The following GSK3B variants were observed in gnomAD, a reference collection of about 807,000 sequenced individuals.
GSK3B encodes glycogen synthase kinase-3 beta.
Under a neutral mutation model 56.4 loss-of-function variants are expected in GSK3B, and 15 were observed. The ratio of observed to expected loss-of-function variants is 0.27; its 90% CI spans 0.18 to 0.41. The LOEUF (loss-of-function observed/expected upper bound fraction) is 0.41, where lower values mean the gene tolerates loss of function less well. Ranked by LOEUF, GSK3B falls within the 10% of genes least tolerant of loss-of-function variation. The probability of loss-of-function intolerance (pLI) is 1.00; values close to 1 mark genes in which losing one functional copy is unlikely to be tolerated. For missense variants in GSK3B, 300 were observed against 513.4 expected (o/e 0.58, Z 4.02); for synonymous variants, 181 against 188.9 (o/e 0.96, Z 0.34).
chr3:119,910,050 C>G (rs930949040), intron 6 of GSK3B, among the ~76,000 whole-genome samples: 1 of 152,110 alleles, frequency 6.6e-6, no homozygotes, highest in Non-Finnish European at 1.5e-5. Context: ...CTATCACTTT[C>G]ATTATTAACT....
intron 2 of GSK3B, among the ~76,000 whole-genome samples, chr3:119,996,304 T>C (rs967887690): frequency 1.6e-4 from 24 of 152,200 alleles, no homozygotes; most frequent in East Asian, 1.9e-4. Flanking sequence ...ACAAAAATCA[T>C]AATAAAACAT....
At chr3:119,885,777 C>T (rs1464053801) in intron 7 of GSK3B, among the ~76,000 whole-genome samples, 4 of 151,790 alleles carry the variant, frequency 2.6e-5, no homozygotes, top group African/African-American at 4.8e-5. Flanking sequence ...TCGTCACAGT[C>T]GACAAAAATA....
In GSK3B at chr3:119,962,397, C is replaced by A. The variant is rs866778139; in HGVS notation, c.283-15046G>T. On this transcript the variant is annotated intron_variant, in intron 2 of 10. Coordinates refer to ENST00000264235, the MANE Select transcript of GSK3B (RefSeq NM_001146156.2). ...TCTCAAAAAAAAAAAAAAACAAAAACAAAAAAACAAAAAAAGCCTATAACT... is the reference window on the plus strand; with the variant it reads ...TCTCAAAAAAAAAAAAAAACAAAAAAAAAAAAACAAAAAAAGCCTATAACT... 4.5e-3 allele frequency among the ~76,000 whole-genome samples: 662 copies of A among 145,864 alleles called. 7 individuals carry two copies. The highest frequency in any genetic ancestry group is 0.014 in the African/African-American group (566 of 39,462).
rs367873946 is a variant in GSK3B at position 119,863,469 on chromosome 3, T to C, written c.1046A>G (p.Lys349Arg). The change falls in exon 9 of 11, where the codon AAA becomes AGA. Residue 349 changes from lysine (K) to arginine (R), a missense_variant. Physicochemically the swap from Lys to Arg is conservative, Grantham distance 26 (BLOSUM62 2). Coordinates refer to ENST00000264235, the MANE Select transcript of GSK3B (RefSeq NM_001146156.2). ...AGGTGTGTCTCGCCCATTTGGTAGTTTGACATTTGGGTCCCGTAATTCATC... is the reference window on the plus strand; with the variant it reads ...AGGTGTGTCTCGCCCATTTGGTAGTCTGACATTTGGGTCCCGTAATTCATC... The part of the protein sequence containing the change: ...FFDELRDPNV[K>R]LPNGRDTPAL... 3 of 1,614,114 alleles carry C rather than the reference T, an allele frequency of 1.9e-6. No individual in the cohort carries two copies. Among genetic ancestry groups the C allele is most frequent in the Non-Finnish European group, 2.5e-6 (3 of 1,179,972 alleles).
intron 9 of GSK3B, among the ~76,000 whole-genome samples, chr3:119,844,065 G>C (rs779201217): frequency 1.3e-5 from 2 of 152,062 alleles, no homozygotes; most frequent in Non-Finnish European, 2.9e-5. Flanking sequence ...ACCTGCTCCT[G>C]AATGACTACT....
chr3:119,915,256 G>C (rs2056769268), intron 5 of GSK3B, among the ~76,000 whole-genome samples: 1 of 151,654 alleles, frequency 6.6e-6, no homozygotes, highest in African/African-American at 2.4e-5. Flanking sequence ...GGAAAATGAA[G>C]AAAACACTGC....
intron 2 of GSK3B, among the ~76,000 whole-genome samples, chr3:119,951,067 G>T (rs1316344950): frequency 6.6e-6 from 1 of 152,174 alleles, no homozygotes; most frequent in East Asian, 1.9e-4. Flanking sequence ...AGACTAGAAG[G>T]ACACCCAGAA....
intron 7 of GSK3B, among the ~76,000 whole-genome samples, chr3:119,898,290 TGG>T (rs2056590602): frequency 6.6e-6 from 1 of 152,166 alleles, no homozygotes; most frequent in Admixed American, 6.6e-5. Flanking sequence ...TTCCCAGTAT[TGG>T]AAAGTCAAAA....
chr3:119,833,505 G>A (rs909061229), intron 10 of GSK3B, among the ~76,000 whole-genome samples: 7 of 151,982 alleles, frequency 4.6e-5, no homozygotes, highest in East Asian at 3.9e-4. Context: ...AGTAATTGAC[G>A]TTAAAGATTA....
chr3:120,052,126 C>A (rs1045500055), intron 1 of GSK3B, among the ~76,000 whole-genome samples: 1 of 152,070 alleles, frequency 6.6e-6, no homozygotes, highest in Non-Finnish European at 1.5e-5. Context: ...AAGAGGGCTA[C>A]CCCAGAAAAC....
chr3:120,073,622 A>C (rs2058345378), intron 1 of GSK3B, among the ~76,000 whole-genome samples: 1 of 152,200 alleles, frequency 6.6e-6, no homozygotes, highest in Admixed American at 6.5e-5. Context: ...AGAAGTTCCT[A>C]AGCCGTACCC....
At chr3:119,834,243 CTA>C (rs1178069221) in intron 10 of GSK3B, among the ~76,000 whole-genome samples, 1 of 152,162 alleles carries the variant, frequency 6.6e-6, no homozygotes, top group African/African-American at 2.4e-5. Context: ...TACTGTAAAA[CTA>C]TGTCTTAGAT....
At chr3:119,826,879 G>C (rs1275350598) in intron 10 of GSK3B, 24 bp from the exon 11 acceptor site, 1 of 1,471,044 alleles carries the variant, frequency 6.8e-7, no homozygotes, top group Non-Finnish European at 9.5e-7. Flanking sequence ...AGTCCCAAGA[G>C]AGAGCATGAG....
At chr3:119,984,055 C>T (rs2057489924) in intron 2 of GSK3B, among the ~76,000 whole-genome samples, 1 of 152,208 alleles carries the variant, frequency 6.6e-6, no homozygotes, top group Non-Finnish European at 1.5e-5. Flanking sequence ...AAGAAACTCA[C>T]TCAAAACTGC....
chr3:119,909,758 C>T (rs1319065925), intron 6 of GSK3B, among the ~76,000 whole-genome samples: 5 of 147,256 alleles, frequency 3.4e-5, no homozygotes, highest in Admixed American at 1.4e-4. Context: ...TTCAGTTCCT[C>T]CTATCACTAA....
At chr3:119,828,251 T>G (rs976242188) in intron 10 of GSK3B, among the ~76,000 whole-genome samples, 2 of 152,216 alleles carry the variant, frequency 1.3e-5, no homozygotes, top group Non-Finnish European at 2.9e-5. Context: ...TAAGGTCTAT[T>G]ATTATTTCAC....
Position 119,843,258 on chromosome 3 carries a change from A to G in GSK3B, c.1192T>C (p.Ser398Pro). 1.3e-6 allele frequency: 2 copies of G among 1,597,702 alleles called. No individual in the cohort carries two copies. Among genetic ancestry groups the G allele is most frequent in the Non-Finnish European group, 1.7e-6 (2 of 1,166,800 alleles). ...AAGAGACTTAGAACGTTCTTACCTGACGCTGCTGTGGCATTTGTGGGGGTT... is the reference window on the plus strand; with the variant it reads ...AAGAGACTTAGAACGTTCTTACCTGGCGCTGCTGTGGCATTTGTGGGGGTT... ...ASTPTNATAA[S>P]DANTGDRGQT... The change falls in exon 10 of 11, where the codon TCA (serine) becomes CCA (proline). Residue 398 changes from serine to proline, a missense_variant. Physicochemically the swap from Ser to Pro is moderately conservative, Grantham distance 74. Around this residue, in one of 6 missense-constraint regions of GSK3B, gnomAD observed 88 missense variants for 92.7 expected, o/e 0.95. Coordinates refer to ENST00000264235, the MANE Select transcript of GSK3B (RefSeq NM_001146156.2).
chr3:119,936,030 C>T (rs2056990319), intron 3 of GSK3B, among the ~76,000 whole-genome samples: 1 of 151,976 alleles, frequency 6.6e-6, no homozygotes, highest in Admixed American at 6.6e-5. Context: ...AAATCCAACA[C>T]CCTTTCATAA....
chr3:119,988,718 T>A (rs2057537930), intron 2 of GSK3B, among the ~76,000 whole-genome samples: 2 of 152,162 alleles, frequency 1.3e-5, no homozygotes, highest in Admixed American at 6.5e-5. Flanking sequence ...TATTTGATAG[T>A]ACAAATCCAG....
Sources: allele counts gnomAD v4.1 joint callset (sites outside exome capture counted in the v4.1 genomes callset), GRCh38; gene constraint gnomAD v4.1.1; regional missense constraint gnomAD v4.1.1; transcripts MANE v1.5; gene names NCBI Gene and HGNC (gene_info 2026-07-23, HGNC 2026-07-21).